EPHA6: variants seen among roughly 807,000 people sequenced by gnomAD.
EPHA6 encodes the protein ephrin type-A receptor 6.
Under a neutral mutation model 112.0 loss-of-function variants are expected in EPHA6, and 50 were observed. The ratio of observed to expected loss-of-function variants is 0.45; its 90% CI spans 0.36 to 0.56. The LOEUF (loss-of-function observed/expected upper bound fraction) is 0.56. Ranked by LOEUF, EPHA6 falls within the 20% of genes least tolerant of loss-of-function variation. The pLI is 0.00. For synonymous variants in EPHA6, 529 were observed against 490.7 expected (o/e 1.08, Z -1.03); for missense variants, 1,280 against 1,417.4 (o/e 0.90, Z 1.56).
At chr3:97,124,484 AG>A (rs1228858515) in intron 3 of EPHA6, among the ~76,000 whole-genome samples, 2 of 151,100 alleles carry the variant, frequency 1.3e-5, no homozygotes, top group African/African-American at 4.9e-5. Context: ...AAAGAAAGAA[AG>A]AAAGAAAGAA....
At chr3:97,226,547 C>A in intron 4 of EPHA6, 128 bp downstream of exon 4, 1 of 854,364 alleles carries the variant, frequency 1.2e-6, no homozygotes. Flanking sequence ...TGATAACAGT[C>A]AAGGAAAAAG....
intron 5 of EPHA6, among the ~76,000 whole-genome samples, chr3:97,283,761 C>T (rs1017140498): frequency 7.9e-5 from 12 of 151,920 alleles, no homozygotes; most frequent in Non-Finnish European, 1.5e-4. Context: ...TATCTCATAA[C>T]TTAAAATAAA....
intron 2 of EPHA6, among the ~76,000 whole-genome samples, chr3:96,958,308 A>C (rs1036396177): frequency 1.3e-5 from 2 of 151,970 alleles, no homozygotes; most frequent in Non-Finnish European, 2.9e-5. Context: ...AAAAAAAAAA[A>C]AGAACTTGAC....
chr3:97,605,455 A>T (rs2093673832), intron 12 of EPHA6, among the ~76,000 whole-genome samples: 1 of 151,722 alleles, frequency 6.6e-6, no homozygotes, highest in Admixed American at 6.6e-5. Flanking sequence ...GTCCAGTTTC[A>T]TTCTTCTACA....
chr3:97,756,524 A>G lies in EPHA6; in HGVS notation c.*7823A>G, dbSNP rs2036030063. Among the ~76,000 whole-genome samples the G allele has an allele frequency of 6.6e-6, 1 of 151,938 alleles. No individual in the cohort carries two copies. Among genetic ancestry groups the G allele is most frequent in the Non-Finnish European group, 1.5e-5 (1 of 67,816 alleles). ...GGAAAGTAAGGTTTAATGTGTATAA[A>G]TGTTTGTCATTGAAGTTTGGAATTT... is the stretch of plus-strand genomic sequence containing the variant. On this transcript the variant is annotated 3_prime_UTR_variant, in exon 18 of 18. Transcript: ENST00000389672.
intron 3 of EPHA6, among the ~76,000 whole-genome samples, chr3:97,084,904 C>T (rs2046845966): frequency 6.6e-6 from 1 of 152,030 alleles, no homozygotes; most frequent in African/African-American, 2.4e-5. Flanking sequence ...TCTAAACATT[C>T]CAAAAAATAC....
intron 3 of EPHA6, among the ~76,000 whole-genome samples, chr3:97,050,020 A>C (rs2045633913): frequency 6.6e-6 from 1 of 152,188 alleles, no homozygotes; most frequent in Admixed American, 6.5e-5. Flanking sequence ...TTAACGAGTA[A>C]GAAAAATAAC....
intron 2 of EPHA6, among the ~76,000 whole-genome samples, chr3:96,892,978 G>GTGTA (rs2038058292): frequency 6.6e-6 from 1 of 151,076 alleles, no homozygotes; most frequent in Non-Finnish European, 1.5e-5. Context: ...GTGTGTGTGT[G>GTGTA]TGTTCGTGTG....
intron 2 of EPHA6, among the ~76,000 whole-genome samples, chr3:96,868,144 C>A (rs1271513395): frequency 6.7e-6 from 1 of 149,506 alleles, no homozygotes; most frequent in Non-Finnish European, 1.5e-5. Flanking sequence ...TTCTAAAATA[C>A]CTTTTGTGTG....
intron 11 of EPHA6, among the ~76,000 whole-genome samples, chr3:97,569,678 A>C (rs2093311791): frequency 6.6e-6 from 1 of 152,236 alleles, no homozygotes; most frequent in African/African-American, 2.4e-5. Context: ...CAATGACAAA[A>C]GATTAGAGGC....
At chr3:97,352,735 C>T (rs1225635225) in intron 5 of EPHA6, among the ~76,000 whole-genome samples, 1 of 152,066 alleles carries the variant, frequency 6.6e-6, no homozygotes, top group Non-Finnish European at 1.5e-5. Context: ...CCTGCAATTC[C>T]TAGGGAGGTC....
intron 12 of EPHA6, among the ~76,000 whole-genome samples, chr3:97,594,827 C>T (rs1377022291): frequency 6.6e-6 from 1 of 152,174 alleles, no homozygotes; most frequent in Non-Finnish European, 1.5e-5. Flanking sequence ...CATACTATGA[C>T]ACTTTAAACA....
intron 7 of EPHA6, among the ~76,000 whole-genome samples, chr3:97,453,789 T>G (rs910976937): frequency 6.6e-6 from 1 of 151,730 alleles, no homozygotes; most frequent in Non-Finnish European, 1.5e-5. Flanking sequence ...TAACCATTTA[T>G]AGGTAGGAAA....
At chr3:97,009,873 C>T (rs2044018848) in intron 3 of EPHA6, 4 of 408,874 alleles carry the variant, frequency 9.8e-6, no homozygotes, top group South Asian at 5.4e-5. Flanking sequence ...GGTAGGCCAC[C>T]ACACCACTCT....
chr3:97,346,996 A>G (rs2083564583), intron 5 of EPHA6, among the ~76,000 whole-genome samples: 1 of 152,106 alleles, frequency 6.6e-6, no homozygotes, highest in Non-Finnish European at 1.5e-5. Flanking sequence ...GCTTACGTGG[A>G]GCAAGAAATT....
At chr3:96,868,561 G>A (rs77669454) in intron 2 of EPHA6, among the ~76,000 whole-genome samples, 3,754 of 151,780 alleles carry the variant, frequency 0.025, 154 homozygotes, top group African/African-American at 0.084. Flanking sequence ...AATTTTTCAG[G>A]TACTCAGTTT....
chr3:97,647,883 G>A (rs909512603), intron 14 of EPHA6, among the ~76,000 whole-genome samples: 6 of 151,876 alleles, frequency 4.0e-5, no homozygotes, highest in African/African-American at 1.5e-4. Context: ...TCTCAATTAT[G>A]GAAATGAGAT....
intron 2 of EPHA6, among the ~76,000 whole-genome samples, chr3:96,877,233 A>G (rs1343487984): frequency 1.3e-5 from 2 of 152,106 alleles, no homozygotes; most frequent in Non-Finnish European, 2.9e-5. Context: ...GTTCTTGTTC[A>G]TCGTTAGTCT....
At chr3:97,014,081 C>T (rs1203254633) in intron 3 of EPHA6, among the ~76,000 whole-genome samples, 1 of 151,912 alleles carries the variant, frequency 6.6e-6, no homozygotes, top group African/African-American at 2.4e-5. Context: ...ATACTGTGTA[C>T]TTGATTAAAC....
Sources: allele counts gnomAD v4.1 joint callset (sites outside exome capture counted in the v4.1 genomes callset), GRCh38; gene constraint gnomAD v4.1.1; transcripts MANE v1.5; gene names NCBI Gene and HGNC (gene_info 2026-07-23, HGNC 2026-07-21).